The following GNAQ variants were observed in gnomAD, a reference collection of about 807,000 sequenced individuals.
GNAQ encodes G protein subunit alpha q.
GNAQ carries 8 observed loss-of-function variants against 43.9 expected under a neutral mutation model. The observed-to-expected ratio is 0.18, with a 90% confidence interval of 0.11 to 0.33. The LOEUF is 0.33. Among genes scored for constraint, GNAQ ranks in the 10% least tolerant of loss-of-function variants. The pLI, the probability that GNAQ is intolerant of heterozygous loss-of-function variation, is 1.00. For missense variants in GNAQ, 158 were observed against 450.8 expected (o/e 0.35, Z 5.88); for synonymous variants, 155 against 170.7 (o/e 0.91, Z 0.71).
At chr9:77,813,899 A>G (rs1265336664) in intron 3 of GNAQ, among the ~76,000 whole-genome samples, 2 of 152,310 alleles carry the variant, frequency 1.3e-5, no homozygotes, top group Middle Eastern at 3.4e-3. Context: ...ATGTAACTTT[A>G]TAATGGAGGA....
At chr9:77,861,458 C>T (rs1416261191) in intron 2 of GNAQ, among the ~76,000 whole-genome samples, 1 of 152,132 alleles carries the variant, frequency 6.6e-6, no homozygotes, top group Non-Finnish European at 1.5e-5. Flanking sequence ...TCAGACAGTC[C>T]AAAGTCTCAT....
chr9:77,796,469 C>A (rs919907648), intron 4 of GNAQ, among the ~76,000 whole-genome samples: 2 of 152,186 alleles, frequency 1.3e-5, no homozygotes, highest in Non-Finnish European at 2.9e-5. Context: ...TGTATTCTAA[C>A]TAAAAGTACA....
intron 1 of GNAQ, among the ~76,000 whole-genome samples, chr9:77,966,819 C>T (rs1280307690): frequency 6.6e-6 from 1 of 152,174 alleles, no homozygotes; most frequent in Non-Finnish European, 1.5e-5. Context: ...CTCCATTCTT[C>T]AACAAACTAT....
intron 2 of GNAQ, among the ~76,000 whole-genome samples, chr9:77,906,011 T>C (rs1056857771): frequency 6.6e-6 from 1 of 152,152 alleles, no homozygotes; most frequent in African/African-American, 2.4e-5. Context: ...GACAGGTTGG[T>C]TGGTGCAGCA....
intron 2 of GNAQ, among the ~76,000 whole-genome samples, chr9:77,846,963 G>A (rs1419603480): frequency 1.3e-5 from 2 of 152,208 alleles, no homozygotes; most frequent in South Asian, 2.1e-4. Context: ...CCAAGAACTC[G>A]CCACCCCTCA....
intron 5 of GNAQ, among the ~76,000 whole-genome samples, chr9:77,762,298 G>A (rs1253404939): frequency 1.9e-4 from 26 of 134,690 alleles, no homozygotes; most frequent in Non-Finnish European, 3.3e-4. Context: ...GGAGGGAGGT[G>A]GGGGGGTCAG....
At chr9:77,803,228 G>A (rs985616097) in intron 3 of GNAQ, among the ~76,000 whole-genome samples, 1 of 152,178 alleles carries the variant, frequency 6.6e-6, no homozygotes, top group African/African-American at 2.4e-5. Flanking sequence ...TAATAACCAA[G>A]TTCTGAATAA....
chr9:77,870,464 TAC>T (rs1828019033), intron 2 of GNAQ, among the ~76,000 whole-genome samples: 4 of 151,648 alleles, frequency 2.6e-5, no homozygotes, highest in Non-Finnish European at 4.4e-5. Context: ...TAGCTGGGAC[TAC>T]AGGCGCCTGC....
At chr9:77,899,149 T>G (rs893403373) in intron 2 of GNAQ, among the ~76,000 whole-genome samples, 3 of 151,972 alleles carry the variant, frequency 2.0e-5, no homozygotes, top group Non-Finnish European at 4.4e-5. Flanking sequence ...CAGGCTGGAG[T>G]GTTGTAGTGC....
chr9:77,767,000 A>T (rs1455764230), intron 5 of GNAQ, among the ~76,000 whole-genome samples: 6 of 152,278 alleles, frequency 3.9e-5, no homozygotes, highest in Admixed American at 3.9e-4. Context: ...TAAAACCTAC[A>T]TTTGGAAAGA....
intron 2 of GNAQ, among the ~76,000 whole-genome samples, chr9:77,852,316 T>C (rs1463390228): frequency 6.6e-6 from 1 of 152,240 alleles, no homozygotes; most frequent in Non-Finnish European, 1.5e-5. Flanking sequence ...TCCTGACCAC[T>C]TCACTCACTT....
At chr9:77,908,134 GTTAT>G (rs1276259370) in intron 2 of GNAQ, among the ~76,000 whole-genome samples, 3 of 152,158 alleles carry the variant, frequency 2.0e-5, no homozygotes, top group African/African-American at 7.2e-5. Context: ...GTTGGCTAAA[GTTAT>G]TTCTCTCCCT....
intron 5 of GNAQ, among the ~76,000 whole-genome samples, chr9:77,776,390 G>A (rs1427221478): frequency 3.9e-5 from 6 of 152,110 alleles, no homozygotes; most frequent in Non-Finnish European, 7.4e-5. Flanking sequence ...AGAAGATGAC[G>A]TACCATGCAA....
At chr9:77,837,541 G>T (rs1307845551) in intron 2 of GNAQ, among the ~76,000 whole-genome samples, 1 of 151,874 alleles carries the variant, frequency 6.6e-6, no homozygotes, top group African/African-American at 2.4e-5. Context: ...GTGACAGAGT[G>T]AGACTCTGTC....
chr9:77,946,436 C>T (rs1380846436), intron 1 of GNAQ, among the ~76,000 whole-genome samples: 1 of 152,056 alleles, frequency 6.6e-6, no homozygotes, highest in East Asian at 1.9e-4. Context: ...CTTAAGATTC[C>T]ACATTTCCAA....
At chr9:78,014,225 A>C (rs1223127373) in intron 1 of GNAQ, among the ~76,000 whole-genome samples, 1 of 152,202 alleles carries the variant, frequency 6.6e-6, no homozygotes, top group Non-Finnish European at 1.5e-5. Context: ...CAGAAAACAG[A>C]AATCAGACGC....
intron 5 of GNAQ, among the ~76,000 whole-genome samples, chr9:77,767,834 C>T (rs941538545): frequency 1.3e-5 from 2 of 152,138 alleles, no homozygotes; most frequent in East Asian, 1.9e-4. Flanking sequence ...TCATGGTGCC[C>T]ACCTACAACC....
chr9:78,007,075 CACTTGT>C (rs559366086), intron 1 of GNAQ, among the ~76,000 whole-genome samples: 158 of 152,252 alleles, frequency 1.0e-3, no homozygotes, highest in African/African-American at 3.7e-3. Context: ...AGTCAGACTG[CACTTGT>C]ACCTAAAAAG....
intron 3 of GNAQ, among the ~76,000 whole-genome samples, chr9:77,804,868 C>T (rs756264505): frequency 3.9e-5 from 6 of 151,916 alleles, no homozygotes; most frequent in Non-Finnish European, 5.9e-5. Context: ...GTTAGAAAAA[C>T]GAGGTCGACT....
Sources: allele counts gnomAD v4.1 joint callset (sites outside exome capture counted in the v4.1 genomes callset), GRCh38; gene constraint gnomAD v4.1.1; transcripts MANE v1.5; gene names NCBI Gene and HGNC (gene_info 2026-07-23, HGNC 2026-07-21).